SDK1: variants seen among roughly 807,000 people sequenced by gnomAD.
The protein encoded by SDK1 is sidekick cell adhesion molecule 1.
In SDK1, 157 loss-of-function variants were observed where a neutral mutation model predicts 245.5. That is an observed-to-expected ratio of 0.64 (90% CI 0.56 to 0.73). The LOEUF (loss-of-function observed/expected upper bound fraction) is 0.73, where lower values mean the gene tolerates loss of function less well. Ranked by LOEUF, SDK1 falls within the 30% of genes least tolerant of loss-of-function variation. SDK1 has a pLI of 0.00. For synonymous variants in SDK1, 1,647 were observed against 1,278.5 expected (o/e 1.29, Z -6.15); for missense variants, 3,583 against 3,002.3 (o/e 1.19, Z -4.52).
chr7:4,235,211 C>T (rs1481986733), intron 41 of SDK1, among the ~76,000 whole-genome samples: 6 of 150,642 alleles, frequency 4.0e-5, no homozygotes. Flanking sequence ...GTTGCCCAGG[C>T]TGGAGTGCAG....
chr7:3,429,076 A>G (rs1347872911), intron 1 of SDK1, among the ~76,000 whole-genome samples: 1 of 152,184 alleles, frequency 6.6e-6, no homozygotes. Flanking sequence ...CACAGTAAGT[A>G]GTCAAATTTG....
At chr7:3,315,668 T>A (rs1201193189) in intron 1 of SDK1, among the ~76,000 whole-genome samples, 1 of 152,252 alleles carries the variant, frequency 6.6e-6, no homozygotes, top group Non-Finnish European at 1.5e-5. Context: ...TCCTGAATGT[T>A]CTAAGTTTTC....
intron 1 of SDK1, among the ~76,000 whole-genome samples, chr7:3,584,675 G>T (rs542341998): frequency 1.3e-5 from 2 of 152,178 alleles, no homozygotes; most frequent in African/African-American, 4.8e-5. Context: ...GAGTGAGCTG[G>T]TGTGTTTTTG....
At chr7:4,182,933 C>T (rs1218959455) in intron 35 of SDK1, among the ~76,000 whole-genome samples, 1 of 152,216 alleles carries the variant, frequency 6.6e-6, no homozygotes, top group Non-Finnish European at 1.5e-5. Context: ...CATGGTATTG[C>T]AGTCAAAACA....
intron 19 of SDK1, among the ~76,000 whole-genome samples, chr7:4,062,738 G>A (rs1023487179): frequency 1.3e-5 from 2 of 152,060 alleles, no homozygotes; most frequent in Non-Finnish European, 2.9e-5. Context: ...CCAACAGCAC[G>A]TCAGAAATAT....
intron 4 of SDK1, among the ~76,000 whole-genome samples, chr7:3,755,199 C>A (rs552979858): frequency 6.6e-6 from 1 of 152,048 alleles, no homozygotes; most frequent in Admixed American, 6.6e-5. Context: ...CTGGGGAAGC[C>A]GGAAGTGGGC....
intron 13 of SDK1, among the ~76,000 whole-genome samples, chr7:3,981,314 A>G (rs932160338): frequency 7.9e-5 from 12 of 152,150 alleles, no homozygotes; most frequent in Non-Finnish European, 1.3e-4. Flanking sequence ...CTGCTCCACC[A>G]ACAGGCCATT....
chr7:4,147,150 C>T (rs1353810773), intron 29 of SDK1, among the ~76,000 whole-genome samples: 1 of 152,176 alleles, frequency 6.6e-6, no homozygotes, highest in Non-Finnish European at 1.5e-5. Flanking sequence ...TGCAGGGATA[C>T]TTGGAGCACA....
At chr7:3,581,744 C>T (rs181637858) in intron 1 of SDK1, among the ~76,000 whole-genome samples, 2 of 152,310 alleles carry the variant, frequency 1.3e-5, no homozygotes, top group African/African-American at 4.8e-5. Flanking sequence ...ATGGAGTCAA[C>T]CTAAATGCTC....
intron 42 of SDK1, among the ~76,000 whole-genome samples, chr7:4,241,041 T>G (rs990148478): frequency 3.3e-5 from 5 of 152,206 alleles, no homozygotes; most frequent in African/African-American, 1.2e-4. Context: ...TGTTGTTCGG[T>G]TTTTCAGAAC....
rs531827988 is a variant in SDK1, at chr7:4,150,008, C to T, written c.4625+545C>T. Among the ~76,000 whole-genome samples the T allele has an allele frequency of 1.5e-4, 23 of 152,186 alleles. No individual in the cohort carries two copies. The South Asian group carries it at 4.8e-3, about 32-fold the overall frequency. On this transcript the variant is annotated intron_variant, in intron 30 of 44. Coordinates refer to ENST00000404826, the MANE Select transcript of SDK1 (RefSeq NM_152744.4). ...CCACTCACTCAGTTGTTTACTGGACCTCTGGGCTCAGCATGGGAGAGGGTT... is the reference window on the plus strand; with the variant it reads ...CCACTCACTCAGTTGTTTACTGGACTTCTGGGCTCAGCATGGGAGAGGGTT...
intron 4 of SDK1, among the ~76,000 whole-genome samples, chr7:3,698,908 G>C (rs1173738777): frequency 6.6e-6 from 1 of 152,184 alleles, no homozygotes; most frequent in African/African-American, 2.4e-5. Flanking sequence ...ATACGAATCA[G>C]TTGGGGAGGA....
In SDK1 at chr7:4,174,299, G is replaced by A. The variant is rs1175765548; in HGVS notation, c.4878G>A (p.Gly1626=). 6.2e-7 allele frequency: 1 copy of A among 1,613,978 alleles called. No homozygotes were observed. Among genetic ancestry groups the A allele is most frequent in the African/African-American group, 1.3e-5 (1 of 75,028 alleles). Residue 1626 remains glycine, a synonymous_variant, in exon 33 of 45, where the codon GGG becomes GGA. Coordinates refer to ENST00000404826, the MANE Select transcript of SDK1 (RefSeq NM_152744.4). ...ACAGGGAGCTGGAGTATGAAGCCGG[G>A]TCAGGCACTGAGGCCAAGACGCTCA... ...IYYRELEYEA[G]SGTEAKTLKN...
At chr7:3,644,593 A>T (rs988676939) in intron 4 of SDK1, among the ~76,000 whole-genome samples, 2 of 151,110 alleles carry the variant, frequency 1.3e-5, no homozygotes, top group African/African-American at 2.4e-5. Flanking sequence ...CTGAAACCTT[A>T]TCTCTACTGA....
At chr7:4,051,137 A>C (rs1317110118) in intron 18 of SDK1, among the ~76,000 whole-genome samples, 1 of 139,242 alleles carries the variant, frequency 7.2e-6, no homozygotes, top group East Asian at 2.0e-4. Context: ...ATTATATATA[A>C]TATATGTATA....
intron 4 of SDK1, among the ~76,000 whole-genome samples, chr7:3,685,474 A>C (rs1784252443): frequency 6.6e-6 from 1 of 152,206 alleles, no homozygotes; most frequent in South Asian, 2.1e-4. Flanking sequence ...AAAATATTCT[A>C]AACAGAAATA....
At chr7:3,379,529 C>T (rs988330936) in intron 1 of SDK1, among the ~76,000 whole-genome samples, 2 of 152,032 alleles carry the variant, frequency 1.3e-5, no homozygotes, top group East Asian at 1.9e-4. Flanking sequence ...TGGAGGGGAA[C>T]GGGGTCTGCC....
chr7:3,944,998 C>G (rs547229564), intron 5 of SDK1, among the ~76,000 whole-genome samples: 1 of 152,154 alleles, frequency 6.6e-6, no homozygotes, highest in African/African-American at 2.4e-5. Flanking sequence ...GTTGTAATCC[C>G]AGCTACTCAG....
At chr7:3,386,544 G>A (rs188154187) in intron 1 of SDK1, among the ~76,000 whole-genome samples, 23 of 152,250 alleles carry the variant, frequency 1.5e-4, no homozygotes, top group Middle Eastern at 6.8e-3. Flanking sequence ...ATTATTTTCC[G>A]TATTCTCTGC....
Sources: gnomAD v4.1 joint callset for allele counts (sites outside exome capture counted in the v4.1 genomes callset) on GRCh38, gnomAD v4.1.1 for gene constraint, MANE v1.5 for transcripts, NCBI Gene and HGNC (gene_info 2026-07-23, HGNC 2026-07-21) for gene names.